Variants in KIAA1328 observed in about 807,000 individuals in gnomAD.
The protein encoded by KIAA1328 is protein hinderin.
In KIAA1328, 52 loss-of-function variants were observed where a neutral mutation model predicts 68.1. That is an observed-to-expected ratio of 0.76 (90% confidence interval 0.61 to 0.96). The LOEUF is 0.96. KIAA1328 is among the 40% of genes least tolerant of loss of function. KIAA1328 has a pLI of 0.00. For missense variants in KIAA1328, 641 were observed against 677.6 expected, an observed-to-expected ratio of 0.95 and a Z score of 0.60; for synonymous variants, 232 against 239.4, an observed-to-expected ratio of 0.97 and a Z score of 0.28.
At position 37,143,764 on chromosome 18, in the gene KIAA1328, C is replaced by T. The variant is rs575691410; in HGVS notation, c.1233-16436C>T. ...ATCATAACTTTATCAAATGCTTTTT[C>T]GGCATTTATTGATATAATCATGTGG... On this transcript the variant is annotated intron_variant, in intron 7 of 9. Transcript: ENST00000280020. Among the ~76,000 whole-genome samples the T allele has an allele frequency of 9.2e-5, 14 of 151,770 alleles. No homozygotes were observed. The East Asian group carries it at 9.7e-4, about 10-fold the overall frequency.
chr18:37,101,152 A>G (rs1485778715), intron 7 of KIAA1328, among the ~76,000 whole-genome samples: 4 of 152,206 alleles, frequency 2.6e-5, no homozygotes, highest in Admixed American at 6.5e-5. Context: ...CAGCAACAGA[A>G]CAAAGCTGGA....
intron 7 of KIAA1328, among the ~76,000 whole-genome samples, chr18:37,088,450 G>A (rs1568388340): frequency 6.6e-6 from 1 of 152,106 alleles, no homozygotes. Context: ...CAATTAGAAT[G>A]AGCACTTTTC....
At chr18:36,934,545 G>A (rs1015535168) in intron 5 of KIAA1328, among the ~76,000 whole-genome samples, 11 of 151,930 alleles carry the variant, frequency 7.2e-5, no homozygotes, top group African/African-American at 2.7e-4. Context: ...CCACCTATGA[G>A]TGAGAACATG....
chr18:37,010,441 TAAAAAAAAAAAAAAA>T (rs59927777), intron 6 of KIAA1328, among the ~76,000 whole-genome samples: 10 of 90,302 alleles, frequency 1.1e-4, no homozygotes, highest in Admixed American at 4.0e-4. Flanking sequence ...AGACACCATC[TAAAAAAAAAAAAAAA>T]AAAAAAAAAA....
chr18:36,884,885 G>C (rs978116618), intron 4 of KIAA1328, among the ~76,000 whole-genome samples: 2 of 152,076 alleles, frequency 1.3e-5, no homozygotes, highest in Non-Finnish European at 2.9e-5. Context: ...CTGTGCTCTT[G>C]TCAGAAGTCA....
chr18:37,144,856 T>G (rs562876522), intron 7 of KIAA1328, among the ~76,000 whole-genome samples: 3 of 152,274 alleles, frequency 2.0e-5, no homozygotes, highest in African/African-American at 7.2e-5. Context: ...CCCTCAAATT[T>G]TAATATGTTA....
At chr18:37,164,542 C>T (rs1483238407) in intron 8 of KIAA1328, among the ~76,000 whole-genome samples, 4 of 152,112 alleles carry the variant, frequency 2.6e-5, no homozygotes, top group African/African-American at 7.2e-5. Context: ...GTCAGGAATT[C>T]GAGACCAGCC....
chr18:36,929,733 T>G (rs2050245875), intron 5 of KIAA1328, among the ~76,000 whole-genome samples: 1 of 152,020 alleles, frequency 6.6e-6, no homozygotes. Context: ...TTCTCTGATG[T>G]GGAAATATAG....
chr18:36,967,690 G>A (rs1163299321), intron 6 of KIAA1328, among the ~76,000 whole-genome samples: 1 of 152,074 alleles, frequency 6.6e-6, no homozygotes, highest in Non-Finnish European at 1.5e-5. Context: ...ATTGAGAGTG[G>A]GCAGAAGGAA....
intron 7 of KIAA1328, among the ~76,000 whole-genome samples, chr18:37,151,938 T>G (rs1442965376): frequency 6.6e-6 from 1 of 151,858 alleles, no homozygotes; most frequent in Non-Finnish European, 1.5e-5. Flanking sequence ...GAAGGAGGTA[T>G]CTATGTGGAG....
At chr18:36,976,368 G>T (rs1171371715) in intron 6 of KIAA1328, among the ~76,000 whole-genome samples, 1 of 152,044 alleles carries the variant, frequency 6.6e-6, no homozygotes. Flanking sequence ...AAAAATTGGT[G>T]ATATATTACA....
At chr18:37,166,107 C>G (rs962634263) in intron 8 of KIAA1328, among the ~76,000 whole-genome samples, 1 of 148,190 alleles carries the variant, frequency 6.7e-6, no homozygotes, top group African/African-American at 2.5e-5. Flanking sequence ...GTCATAAATG[C>G]ATCAGGAAAC....
chr18:37,224,005 C>A lies in KIAA1328; in HGVS notation c.*1778C>A. 1.0e-6 allele frequency: 1 copy of A among 985,384 alleles called. No individual in the cohort carries two copies. Among genetic ancestry groups the A allele is most frequent in the Non-Finnish European group, 1.2e-6 (1 of 829,924 alleles). 61.0% of individuals were successfully genotyped at this position (985,384 alleles called of 1,614,324 possible). A position where few individuals can be genotyped will look rare whatever the true frequency, so the allele number is the denominator to read the frequency against. Reference sequence around the variant, plus strand: ...CTGAGAGTAACCAAATCGGTTTCATCCCATATCAAAAAGCCTTTGGAGTGT... The same window carrying A: ...CTGAGAGTAACCAAATCGGTTTCATACCATATCAAAAAGCCTTTGGAGTGT... On this transcript the variant is annotated 3_prime_UTR_variant, in exon 10 of 10. Transcript: ENST00000280020.
intron 7 of KIAA1328, among the ~76,000 whole-genome samples, chr18:37,127,547 A>T (rs1361494217): frequency 6.6e-6 from 1 of 152,168 alleles, no homozygotes; most frequent in Non-Finnish European, 1.5e-5. Context: ...TATCTCTACA[A>T]AAAACAAAAA....
intron 4 of KIAA1328, among the ~76,000 whole-genome samples, chr18:36,880,274 A>G (rs1003544454): frequency 6.6e-6 from 1 of 152,108 alleles, no homozygotes; most frequent in African/African-American, 2.4e-5. Context: ...TCCCTTTGCT[A>G]GTGGAGGGAG....
intron 7 of KIAA1328, among the ~76,000 whole-genome samples, chr18:37,105,501 GAAAAAAAAAA>G (rs376818867): frequency 5.0e-5 from 5 of 100,344 alleles, no homozygotes; most frequent in South Asian, 3.6e-4. Flanking sequence ...CTTTTTGAAG[GAAAAAAAAAA>G]AAAAAAAAAA....
intron 5 of KIAA1328, among the ~76,000 whole-genome samples, chr18:36,947,394 A>G (rs762479170): frequency 6.6e-6 from 1 of 152,204 alleles, no homozygotes; most frequent in Non-Finnish European, 1.5e-5. Flanking sequence ...GGGACAAGTT[A>G]CTGGCAGACA....
chr18:37,186,516 A>G (rs1419816548), intron 9 of KIAA1328, among the ~76,000 whole-genome samples: 5 of 144,260 alleles, frequency 3.5e-5, no homozygotes, highest in African/African-American at 1.3e-4. Context: ...GCAGTGAGCC[A>G]TGATCACACC....
chr18:37,051,811 G>C (rs1441093176), intron 6 of KIAA1328, among the ~76,000 whole-genome samples: 1 of 152,086 alleles, frequency 6.6e-6, no homozygotes, highest in Non-Finnish European at 1.5e-5. Context: ...GGGAGGCCAA[G>C]GCAGGCGGAT....
Sources: allele counts gnomAD v4.1 joint callset (sites outside exome capture counted in the v4.1 genomes callset), GRCh38; gene constraint gnomAD v4.1.1; transcripts MANE v1.5; gene names NCBI Gene and HGNC (gene_info 2026-07-23, HGNC 2026-07-21).